NEO1: variants seen among roughly 807,000 people sequenced by gnomAD.
The protein encoded by NEO1 is neogenin.
A neutral mutation model predicts 159.7 loss-of-function variants in NEO1; 63 were observed. That is an observed-to-expected ratio of 0.39 (90% CI 0.32 to 0.49). The LOEUF is 0.49. NEO1 is among the 20% of genes least tolerant of loss of function. The pLI is 0.85. For synonymous variants in NEO1, 633 were observed against 662.0 expected (o/e 0.96, Z 0.67); for missense variants, 1,615 against 1,831.0 (o/e 0.88, Z 2.15).
chr15:73,088,485 T>C (rs571327201), intron 1 of NEO1, among the ~76,000 whole-genome samples: 2 of 152,188 alleles, frequency 1.3e-5, no homozygotes, highest in East Asian at 3.9e-4. Context: ...ACATGTAGTT[T>C]CAAACACTTT....
intron 25 of NEO1, among the ~76,000 whole-genome samples, chr15:73,292,130 G>T (rs1002733544): frequency 6.6e-6 from 1 of 152,116 alleles, no homozygotes; most frequent in Non-Finnish European, 1.5e-5. Context: ...GGGAAGGAAG[G>T]GTCAGCAGTG....
At chr15:73,284,029 GCT>G (rs2041840088) in intron 23 of NEO1, among the ~76,000 whole-genome samples, 1 of 152,142 alleles carries the variant, frequency 6.6e-6, no homozygotes, top group Non-Finnish European at 1.5e-5. Flanking sequence ...GAGGGTTGTG[GCT>G]AATGGTCTAA....
rs182255058 is a variant in NEO1, at chr15:73,142,412, T to C, written c.1015+6385T>C. On this transcript the variant is annotated intron_variant, in intron 5 of 28. Transcript: ENST00000261908. ...CAACACCTTTAATTTATACTTTCAA[T>C]TAAAGTTCTTAAAATTAAGGAAGTG... Among the ~76,000 whole-genome samples, 319 of 152,288 alleles carry C rather than the reference T, an allele frequency of 2.1e-3. 2 individuals are homozygous for C. Among genetic ancestry groups the C allele is most frequent in the African/African-American group, 7.3e-3 (304 of 41,554 alleles).
chr15:73,219,516 AGTGGGGT>A (rs2038103517), intron 7 of NEO1, among the ~76,000 whole-genome samples: 1 of 140,248 alleles, frequency 7.1e-6, no homozygotes, highest in Non-Finnish European at 1.5e-5. Flanking sequence ...TAATGTTGAC[AGTGGGGT>A]GTTAAAGTCT....
intron 23 of NEO1, 130 bp downstream of exon 23, chr15:73,283,241 A>T: frequency 8.8e-7 from 1 of 1,136,026 alleles, no homozygotes. Flanking sequence ...AGATATTTTA[A>T]AAGAAAATGG....
At chr15:73,124,620 G>C (rs1302278111) in intron 3 of NEO1, among the ~76,000 whole-genome samples, 2 of 152,100 alleles carry the variant, frequency 1.3e-5, no homozygotes, top group African/African-American at 4.8e-5. Flanking sequence ...ATACCTGCCT[G>C]GGTCACTGTC....
At chr15:73,088,061 A>G (rs1052790362) in intron 1 of NEO1, among the ~76,000 whole-genome samples, 4 of 152,112 alleles carry the variant, frequency 2.6e-5, no homozygotes, top group Admixed American at 2.0e-4. Flanking sequence ...TAGAAAGTAT[A>G]TATACGTTTT....
At chr15:73,110,983 T>G (rs2070951011) in intron 1 of NEO1, among the ~76,000 whole-genome samples, 1 of 152,070 alleles carries the variant, frequency 6.6e-6, no homozygotes, top group East Asian at 1.9e-4. Flanking sequence ...AAAATTTTTG[T>G]TACTGAAAAA....
chr15:73,197,807 A>G (rs1216172567), intron 7 of NEO1, among the ~76,000 whole-genome samples: 1 of 151,416 alleles, frequency 6.6e-6, no homozygotes, highest in African/African-American at 2.4e-5. Flanking sequence ...CAGCCTCCCA[A>G]GTAGCTAGGA....
At chr15:73,267,558 G>C in intron 16 of NEO1, among the ~76,000 whole-genome samples, 1 of 110,234 alleles carries the variant, frequency 9.1e-6, no homozygotes, top group Admixed American at 1.3e-4. Context: ...CCCACAACAG[G>C]CCCTGGTGTG....
rs1161904949 is a variant in NEO1 at position 73,288,430 on chromosome 15, T to A, written c.3528T>A (p.Asp1176Glu). Reference sequence around the variant, plus strand: ...AGAGACTGGAGCTGAAACCCATTGATAAGTCTCCAGACCCAAACCCCATCA... The same window carrying A: ...AGAGACTGGAGCTGAAACCCATTGAAAAGTCTCCAGACCCAAACCCCATCA... The part of the protein sequence containing the change: ...HHERLELKPI[D>E]KSPDPNPIMT... The change falls in exon 24 of 29, where the codon GAT becomes GAA. Residue 1176 changes from aspartate to glutamate, a missense_variant. Asp to Glu is a conservative substitution (Grantham distance 45). Transcript: ENST00000261908. The A allele has an allele frequency of 2.5e-6, 4 of 1,614,150 alleles. No individual in the cohort carries two copies. The highest frequency in any genetic ancestry group is 3.4e-6 in the Non-Finnish European group (4 of 1,180,012).
intron 1 of NEO1, among the ~76,000 whole-genome samples, chr15:73,085,621 C>A (rs2069312910): frequency 1.3e-5 from 2 of 152,112 alleles, no homozygotes; most frequent in African/African-American, 4.8e-5. Context: ...TGATTGGCAT[C>A]CTCACCAGTG....
At chr15:73,290,604 G>T (rs2042129164) in intron 25 of NEO1, among the ~76,000 whole-genome samples, 1 of 152,136 alleles carries the variant, frequency 6.6e-6, no homozygotes, top group Non-Finnish European at 1.5e-5. Flanking sequence ...AAAGGTTTCT[G>T]AGCCTCTTTT....
At chr15:73,226,549 C>G (rs931128722) in intron 7 of NEO1, among the ~76,000 whole-genome samples, 44 of 152,194 alleles carry the variant, frequency 2.9e-4, no homozygotes, top group African/African-American at 9.9e-4. Context: ...CAAATCTCTA[C>G]AATCTCCCAA....
At chr15:73,100,338 CT>C (rs1165859838) in intron 1 of NEO1, among the ~76,000 whole-genome samples, 2,694 of 143,064 alleles carry the variant, frequency 0.019, 59 homozygotes, top group African/African-American at 0.06. Flanking sequence ...ATTTTGATAT[CT>C]TTTTTTTTTT....
At chr15:73,301,706 C>T in intron 28 of NEO1, among the ~76,000 whole-genome samples, 1 of 151,616 alleles carries the variant, frequency 6.6e-6, no homozygotes, top group African/African-American at 2.4e-5. Context: ...CTTGCTCTGT[C>T]TCCCAGGCTG....
intron 7 of NEO1, among the ~76,000 whole-genome samples, chr15:73,193,968 G>C (rs1001559947): frequency 6.6e-6 from 1 of 152,040 alleles, no homozygotes; most frequent in Non-Finnish European, 1.5e-5. Context: ...TATGCAAGAA[G>C]GCTCAAAGTG....
At position 73,298,670 on chromosome 15, in the gene NEO1, A is replaced by G. The variant is rs2042474748; in HGVS notation, c.4165+59A>G. On this transcript the variant is annotated intron_variant, in intron 27 of 28. Transcript: ENST00000261908. Reference sequence around the variant, plus strand: ...ACACCTGGAGTGACCCTTTGGCTCAAGCTTGGGACAAAGCCACCCCTTCTT... The same window carrying G: ...ACACCTGGAGTGACCCTTTGGCTCAGGCTTGGGACAAAGCCACCCCTTCTT... The G allele has an allele frequency of 6.9e-6, 11 of 1,594,790 alleles. No individual in the cohort carries two copies. The East Asian group carries it at 2.5e-4, about 36-fold the overall frequency.
At chr15:73,083,505 A>T (rs1035604252) in intron 1 of NEO1, among the ~76,000 whole-genome samples, 1 of 152,126 alleles carries the variant, frequency 6.6e-6, no homozygotes, top group Non-Finnish European at 1.5e-5. Context: ...TTCAGTTCAC[A>T]ATACATTATC....
Sources: allele counts gnomAD v4.1 joint callset (sites outside exome capture counted in the v4.1 genomes callset), GRCh38; gene constraint gnomAD v4.1.1; transcripts MANE v1.5; gene names NCBI Gene and HGNC (gene_info 2026-07-23, HGNC 2026-07-21).